Variants in PKNOX2 observed in about 807,000 individuals in gnomAD.
PKNOX2 encodes PBX/knotted 1 homeobox 2.
Under a neutral mutation model 53.1 loss-of-function variants are expected in PKNOX2, and 14 were observed. The ratio of observed to expected loss-of-function variants is 0.26; its 90% CI spans 0.17 to 0.41. PKNOX2 has a LOEUF of 0.41. Among genes scored for constraint, PKNOX2 ranks in the 10% least tolerant of loss-of-function variants. PKNOX2 has a pLI of 1.00. For synonymous variants in PKNOX2, 257 were observed against 242.8 expected, an observed-to-expected ratio of 1.06 and a Z score of -0.54; for missense variants, 496 against 602.8, an observed-to-expected ratio of 0.82 and a Z score of 1.85.
At chr11:125,286,705 T>C (rs1000580671) in intron 2 of PKNOX2, among the ~76,000 whole-genome samples, 3 of 152,368 alleles carry the variant, frequency 2.0e-5, no homozygotes, top group Admixed American at 6.5e-5. Flanking sequence ...ATTTGCAGCC[T>C]GTTCTTCCTC....
intron 6 of PKNOX2, among the ~76,000 whole-genome samples, chr11:125,391,310 T>C (rs1028403089): frequency 6.6e-6 from 1 of 152,190 alleles, no homozygotes; most frequent in African/African-American, 2.4e-5. Context: ...TTGTAAATTG[T>C]AAAGTGCTGT....
At chr11:125,247,784 A>T (rs957693818) in intron 2 of PKNOX2, among the ~76,000 whole-genome samples, 2 of 152,138 alleles carry the variant, frequency 1.3e-5, no homozygotes, top group Non-Finnish European at 2.9e-5. Context: ...GGATCTCCAG[A>T]GGTGCGCAGG....
At position 125,215,635 on chromosome 11, in the gene PKNOX2, C is replaced by T. The variant is rs542145610; in HGVS notation, c.-200-19410C>T. On this transcript the variant is annotated intron_variant, in intron 1 of 12. Coordinates refer to ENST00000298282, the MANE Select transcript of PKNOX2 (RefSeq NM_001382323.2). The stretch of plus-strand genomic sequence containing the variant: ...GGCATAGTGGTGTGCACCAGTAATC[C>T]CAGCTACTAGGGAAGCTGAGGCAGG... 3.3e-5 allele frequency among the ~76,000 whole-genome samples: 5 copies of T among 151,996 alleles called. No homozygotes were observed. The South Asian group carries it at 1.0e-3, about 32-fold the overall frequency.
chr11:125,269,197 C>G (rs1945591908), intron 2 of PKNOX2, among the ~76,000 whole-genome samples: 1 of 151,984 alleles, frequency 6.6e-6, no homozygotes, highest in Admixed American at 6.6e-5. Flanking sequence ...TAACATATTC[C>G]TTCCTCAAAA....
intron 2 of PKNOX2, among the ~76,000 whole-genome samples, chr11:125,301,447 A>G (rs1369161576): frequency 6.6e-6 from 1 of 151,770 alleles, no homozygotes; most frequent in Non-Finnish European, 1.5e-5. Flanking sequence ...TTCACTTCCC[A>G]CAGCTGGCAG....
intron 2 of PKNOX2, among the ~76,000 whole-genome samples, chr11:125,303,044 C>T (rs1200656441): frequency 6.6e-6 from 1 of 152,116 alleles, no homozygotes; most frequent in East Asian, 1.9e-4. Flanking sequence ...TCTATTCCTC[C>T]ATGTCCCCAG....
intron 1 of PKNOX2, among the ~76,000 whole-genome samples, chr11:125,169,247 G>A (rs149549944): frequency 2.6e-5 from 4 of 152,292 alleles, no homozygotes; most frequent in African/African-American, 7.2e-5. Flanking sequence ...ATGAACCACC[G>A]TTAGCCTGAG....
intron 2 of PKNOX2, among the ~76,000 whole-genome samples, chr11:125,323,622 T>C (rs1257047897): frequency 6.6e-6 from 1 of 152,234 alleles, no homozygotes; most frequent in Non-Finnish European, 1.5e-5. Flanking sequence ...TTCAATGTCA[T>C]GCTTCCTCTG....
At chr11:125,217,052 C>T (rs975228750) in intron 1 of PKNOX2, among the ~76,000 whole-genome samples, 5 of 152,054 alleles carry the variant, frequency 3.3e-5, no homozygotes, top group African/African-American at 1.2e-4. Flanking sequence ...CTCTCACACA[C>T]ACACAAAGTC....
chr11:125,226,949 GCT>G (rs1324235913), intron 1 of PKNOX2, among the ~76,000 whole-genome samples: 4 of 151,904 alleles, frequency 2.6e-5, no homozygotes, highest in African/African-American at 9.7e-5. Context: ...TGGGTTCCTT[GCT>G]CTCTCTGTCA....
chr11:125,370,253 G>A lies in PKNOX2; in HGVS notation c.227+2268G>A, dbSNP rs921875256. Among the ~76,000 whole-genome samples, 8 of 152,142 alleles carry A rather than the reference G, an allele frequency of 5.3e-5. No homozygotes were observed. Among genetic ancestry groups the A allele is most frequent in the African/African-American group, 1.9e-4 (8 of 41,430 alleles). ...ACGGCCCGTGGAGGCACCTGGCCCT[G>A]CGTCCAGCACCAAACAGAGGGTTTA... On this transcript the variant is annotated intron_variant, in intron 5 of 12. Transcript: ENST00000298282. This position sits in a 1 kb window ranked among gnomAD's most constrained non-coding sequence, Gnocchi z 4.1.
chr11:125,428,667 G>T lies in PKNOX2; in HGVS notation c.937-345G>T, dbSNP rs182421410. 1.6e-4 allele frequency among the ~76,000 whole-genome samples: 25 copies of T among 152,314 alleles called. 1 individual carries two copies. Among genetic ancestry groups the T allele is most frequent in the African/African-American group, 5.5e-4 (23 of 41,574 alleles). On this transcript the variant is annotated intron_variant, in intron 10 of 12. Transcript: ENST00000298282. ...GGAAACCCTAACACTGACAATGCCT[G>T]CCCTGCCTGCTGGGGGCGGCAGTGA...
At chr11:125,399,977 C>CA (rs1447596809) in intron 7 of PKNOX2, among the ~76,000 whole-genome samples, 4 of 152,186 alleles carry the variant, frequency 2.6e-5, no homozygotes, top group Non-Finnish European at 5.9e-5. Flanking sequence ...CTGCCACCTG[C>CA]AAAAATCAGT....
chr11:125,374,908 T>C (rs931882369), intron 5 of PKNOX2, among the ~76,000 whole-genome samples: 4 of 128,280 alleles, frequency 3.1e-5, no homozygotes, highest in South Asian at 2.8e-4. Flanking sequence ...CAACCAGCAA[T>C]TGGGCCTCCT....
chr11:125,347,935 CCCAGGTGT>C (rs1319604740), intron 3 of PKNOX2, among the ~76,000 whole-genome samples: 1 of 152,182 alleles, frequency 6.6e-6, no homozygotes, highest in Non-Finnish European at 1.5e-5. Flanking sequence ...CCCTTGAATG[CCCAGGTGT>C]CTGGTGACAG....
intron 1 of PKNOX2, among the ~76,000 whole-genome samples, chr11:125,216,894 G>A (rs1284564713): frequency 6.6e-6 from 1 of 152,142 alleles, no homozygotes; most frequent in African/African-American, 2.4e-5. Flanking sequence ...GACTCCCACT[G>A]TTGACCACAT....
At chr11:125,356,037 C>A (rs186959574) in intron 4 of PKNOX2, among the ~76,000 whole-genome samples, 118 of 148,914 alleles carry the variant, frequency 7.9e-4, no homozygotes, top group African/African-American at 2.6e-3. Flanking sequence ...GCACCCCCCC[C>A]CCCACAACTT....
intron 4 of PKNOX2, among the ~76,000 whole-genome samples, chr11:125,354,427 A>T (rs77388968): frequency 1.3e-5 from 2 of 152,138 alleles, no homozygotes; most frequent in African/African-American, 4.8e-5. Flanking sequence ...ACACCTCTCC[A>T]TCACCTCTTC....
intron 5 of PKNOX2, among the ~76,000 whole-genome samples, chr11:125,372,131 G>T (rs1472072115): frequency 6.6e-6 from 1 of 152,134 alleles, no homozygotes; most frequent in Non-Finnish European, 1.5e-5. Flanking sequence ...AATGGTTAGG[G>T]AGCACCCCAT....
Sources: allele counts gnomAD v4.1 joint callset (sites outside exome capture counted in the v4.1 genomes callset), GRCh38; gene constraint gnomAD v4.1.1; non-coding constraint Gnocchi (gnomAD v3.1); transcripts MANE v1.5; gene names NCBI Gene and HGNC (gene_info 2026-07-23, HGNC 2026-07-21).